The following SNAP91 variants were observed in gnomAD, a reference collection of about 807,000 sequenced individuals.
SNAP91 encodes clathrin coat assembly protein AP180.
SNAP91 carries 27 observed loss-of-function variants against 100.3 expected under a neutral mutation model. The ratio of observed to expected loss-of-function variants is 0.27; its 90% CI spans 0.20 to 0.37. The LOEUF (loss-of-function observed/expected upper bound fraction) is 0.37. Among genes scored for constraint, SNAP91 ranks in the 10% least tolerant of loss-of-function variants. SNAP91 has a pLI of 1.00. For missense variants in SNAP91, 986 were observed against 1,123.7 expected (o/e 0.88, Z 1.75); for synonymous variants, 404 against 398.6 (o/e 1.01, Z -0.16).
rs189692263 is a variant in SNAP91 at position 83,682,715 on chromosome 6, T to C, written c.131-17134A>G. ...GTCATTTAGCATTAGGTATATCTCC[T>C]AATGGTATCCCTCCGCCCTCCCCGC... is the stretch of plus-strand genomic sequence containing the variant. On this transcript the variant is annotated intron_variant, in intron 2 of 29. Coordinates refer to ENST00000369694, the MANE Select transcript of SNAP91 (RefSeq NM_001242792.2). Among the ~76,000 whole-genome samples the C allele has an allele frequency of 1.9e-3, 285 of 151,788 alleles. 3 individuals carry two copies. Among genetic ancestry groups the C allele is most frequent in the African/African-American group, 6.3e-3 (260 of 41,370 alleles).
chr6:83,640,006 A>G (rs1273347443), intron 8 of SNAP91, among the ~76,000 whole-genome samples: 1 of 152,114 alleles, frequency 6.6e-6, no homozygotes, highest in Non-Finnish European at 1.5e-5. Flanking sequence ...ACACTGATAA[A>G]CCCATGAGGA....
chr6:83,601,926 T>C (rs1339614240), intron 14 of SNAP91, among the ~76,000 whole-genome samples: 7 of 152,178 alleles, frequency 4.6e-5, no homozygotes, highest in Admixed American at 1.3e-4. Flanking sequence ...TCACATAATA[T>C]TGATTAGCTT....
intron 3 of SNAP91, among the ~76,000 whole-genome samples, chr6:83,664,760 C>G (rs2098644402): frequency 6.6e-6 from 1 of 152,080 alleles, no homozygotes. Context: ...GGATTGACTC[C>G]AATTTTCAAA....
chr6:83,589,104 T>C (rs1330562397), intron 22 of SNAP91, among the ~76,000 whole-genome samples: 1 of 152,248 alleles, frequency 6.6e-6, no homozygotes, highest in African/African-American at 2.4e-5. Context: ...AACAAGGTCA[T>C]GATCCCTCAA....
intron 7 of SNAP91, among the ~76,000 whole-genome samples, chr6:83,653,135 A>C (rs2098272448): frequency 6.6e-6 from 1 of 152,104 alleles, no homozygotes; most frequent in Admixed American, 6.6e-5. Flanking sequence ...GTCTGACATT[A>C]ATTTGGGAAA....
Position 83,607,727 on chromosome 6 carries a change from C to T in SNAP91, c.994G>A (p.Ala332Thr), listed in dbSNP as rs754865312. The T allele has an allele frequency of 1.9e-6, 3 of 1,589,844 alleles. No homozygotes were observed. Among genetic ancestry groups the T allele is most frequent in the South Asian group, 1.2e-5 (1 of 86,766 alleles). Reference protein sequence around the residue: ...IDTSPPVDLFATASAAVPVST... With the variant: ...IDTSPPVDLFTTASAAVPVST... ...ACTGGGACAGCCGCAGATGCAGTTG[C>T]AAATAAATCAACCGGTGGGGATGTG... Residue 332 changes from alanine to threonine, a missense_variant, in exon 13 of 30, where the codon GCA (alanine) becomes ACA (threonine). Around this residue, in one of 4 missense-constraint regions of SNAP91, gnomAD observed 330 missense variants for 447.5 expected, o/e 0.74. Coordinates refer to ENST00000369694, the MANE Select transcript of SNAP91 (RefSeq NM_001242792.2).
Position 83,616,922 on chromosome 6 carries a change from G to T in SNAP91, c.878+47C>A. The stretch of plus-strand genomic sequence containing the variant: ...TGATAAATCTCATTCTTAGAAGAAC[G>T]ACTGTAGTATTTTTCATCTTATTTA... On this transcript the variant is annotated intron_variant, in intron 10 of 29. Transcript: ENST00000369694. 5 of 1,166,728 alleles carry T rather than the reference G, an allele frequency of 4.3e-6. No homozygotes were observed. In the South Asian group the frequency reaches 5.6e-5, roughly 13 times the overall value. The allele number at this position is 1,166,728 out of a possible 1,614,324, so 72.3% of individuals were successfully genotyped here. A position where few individuals can be genotyped will look rare whatever the true frequency, so the allele number is the denominator to read the frequency against.
intron 16 of SNAP91, 49 bp downstream of exon 16, chr6:83,601,222 T>C: frequency 1.3e-6 from 2 of 1,596,272 alleles, no homozygotes; most frequent in Non-Finnish European, 1.7e-6. Flanking sequence ...AACTCCCAAG[T>C]AATTTTAGCA....
intron 7 of SNAP91, among the ~76,000 whole-genome samples, chr6:83,642,763 A>T (rs1315201700): frequency 6.6e-6 from 1 of 152,154 alleles, no homozygotes; most frequent in Non-Finnish European, 1.5e-5. Context: ...AGGAATTGCC[A>T]CACTGTCTTC....
chr6:83,633,944 A>G (rs922132499), intron 8 of SNAP91, among the ~76,000 whole-genome samples: 3 of 146,296 alleles, frequency 2.1e-5, no homozygotes, highest in Admixed American at 2.0e-4. Context: ...ACACACTGGG[A>G]ACTGTTGTGG....
intron 7 of SNAP91, among the ~76,000 whole-genome samples, chr6:83,654,346 T>G (rs921127209): frequency 4.6e-5 from 7 of 152,200 alleles, no homozygotes; most frequent in Non-Finnish European, 8.8e-5. Context: ...GAAGAGCTGT[T>G]GATTTTTCAG....
Position 83,610,633 on chromosome 6 carries a change from C to CA in SNAP91, c.912+16dup, listed in dbSNP as rs1234459415. 5.2e-6 allele frequency: 3 copies of CA among 581,750 alleles called. No homozygotes were observed. Among genetic ancestry groups the CA allele is most frequent in the South Asian group, 2.2e-5 (1 of 44,838 alleles). The allele number at this position is 581,750 out of a possible 1,614,324, so 36.0% of individuals were successfully genotyped here. A position where few individuals can be genotyped will look rare whatever the true frequency, so the allele number is the denominator to read the frequency against. ...AAAACAAAAAACAAAAACCCCCAAA[C>CA]AAAAAACCAAACTTACCTTACTTAA... On this transcript the variant is annotated intron_variant, in intron 12 of 29. Coordinates refer to ENST00000369694, the MANE Select transcript of SNAP91 (RefSeq NM_001242792.2).
chr6:83,637,995 G>A (rs217328), intron 8 of SNAP91, among the ~76,000 whole-genome samples: 62,294 of 151,936 alleles, frequency 0.41, 12,944 homozygotes, highest in South Asian at 0.5. Context: ...GGGCTGCGCT[G>A]TGGATATCCT....
chr6:83,635,747 C>T (rs1331963687), intron 8 of SNAP91, among the ~76,000 whole-genome samples: 1 of 152,110 alleles, frequency 6.6e-6, no homozygotes, highest in Non-Finnish European at 1.5e-5. Context: ...ATAGTCTCAG[C>T]TGTGAAGTTG....
intron 2 of SNAP91, among the ~76,000 whole-genome samples, chr6:83,672,133 T>A (rs1266348556): frequency 6.6e-6 from 1 of 152,180 alleles, no homozygotes; most frequent in Non-Finnish European, 1.5e-5. Context: ...TGCTACAAAT[T>A]GTGCCAACAA....
intron 21 of SNAP91, among the ~76,000 whole-genome samples, chr6:83,592,146 C>T (rs951831614): frequency 1.3e-5 from 2 of 151,996 alleles, no homozygotes; most frequent in East Asian, 1.9e-4. Context: ...TCAGGATCAC[C>T]AAGGAAGAAC....
intron 22 of SNAP91, among the ~76,000 whole-genome samples, chr6:83,587,295 G>T (rs1250013455): frequency 1.3e-5 from 2 of 152,048 alleles, no homozygotes; most frequent in African/African-American, 4.8e-5. Flanking sequence ...AGAGTCCTTA[G>T]TCCAGTGACC....
intron 26 of SNAP91, among the ~76,000 whole-genome samples, chr6:83,573,135 G>A (rs892937336): frequency 6.6e-6 from 1 of 152,042 alleles, no homozygotes; most frequent in Non-Finnish European, 1.5e-5. Flanking sequence ...TGTATTGATA[G>A]GTAAAGAGAG....
chr6:83,569,041 C>T (rs1801889888), intron 26 of SNAP91, among the ~76,000 whole-genome samples: 1 of 151,816 alleles, frequency 6.6e-6, no homozygotes, highest in Non-Finnish European at 1.5e-5. Flanking sequence ...AAAAGCAAAG[C>T]CACAGCTTTG....
Sources: gnomAD v4.1 joint callset for allele counts (sites outside exome capture counted in the v4.1 genomes callset) on GRCh38, gnomAD v4.1.1 for gene constraint, gnomAD v4.1.1 regional missense constraint, MANE v1.5 for transcripts, NCBI Gene and HGNC (gene_info 2026-07-23, HGNC 2026-07-21) for gene names.